The following TBC1D12 variants were observed in gnomAD, a reference collection of about 807,000 sequenced individuals.
TBC1D12 encodes TBC1 domain family, member 12.
A neutral mutation model predicts 86.7 loss-of-function variants in TBC1D12; 56 were observed. That is an observed-to-expected ratio of 0.65 (90% confidence interval 0.52 to 0.81). The LOEUF (loss-of-function observed/expected upper bound fraction) is 0.81. Among genes scored for constraint, TBC1D12 ranks in the 30% least tolerant of loss-of-function variants. The pLI is 0.00. For synonymous variants in TBC1D12, 421 were observed against 411.7 expected (o/e 1.02, Z -0.27); for missense variants, 1,023 against 1,038.8 (o/e 0.98, Z 0.21).
chr10:94,526,252 G>A (rs1474685097), intron 11 of TBC1D12, among the ~76,000 whole-genome samples: 1 of 151,994 alleles, frequency 6.6e-6, no homozygotes, highest in Non-Finnish European at 1.5e-5. Context: ...GCAAGATGGC[G>A]AAACCCCATC....
rs2055285812 is a variant in TBC1D12 at position 94,435,796 on chromosome 10, G to C, written c.972-6100G>C. ...AAATTCTCCTGTGTTTCTTTCTAAA[G>C]CTTTCAAAAGTTTGCCTTTCGTGTA... is the stretch of plus-strand genomic sequence containing the variant. On this transcript the variant is annotated intron_variant, in intron 1 of 12. Transcript: ENST00000225235. 2.0e-5 allele frequency among the ~76,000 whole-genome samples: 3 copies of C among 152,256 alleles called. No individual in the cohort carries two copies. The South Asian group carries it at 6.2e-4, about 32-fold the overall frequency.
chr10:94,492,553 A>G (rs2056260167), intron 3 of TBC1D12, among the ~76,000 whole-genome samples: 1 of 152,246 alleles, frequency 6.6e-6, no homozygotes, highest in Non-Finnish European at 1.5e-5. Flanking sequence ...TAAATGGAAT[A>G]CTACTCAGCA....
chr10:94,513,118 G>A (rs536449731), intron 9 of TBC1D12, among the ~76,000 whole-genome samples: 36 of 152,124 alleles, frequency 2.4e-4, no homozygotes, highest in African/African-American at 8.2e-4. Flanking sequence ...ATGGTGGCAC[G>A]CGCCTGTTAT....
chr10:94,494,388 T>C (rs916907283), intron 4 of TBC1D12, among the ~76,000 whole-genome samples: 3 of 152,208 alleles, frequency 2.0e-5, no homozygotes, highest in Non-Finnish European at 2.9e-5. Context: ...GGTGCTATTT[T>C]GGAATTGAAG....
At chr10:94,470,988 T>G (rs1461650302) in intron 2 of TBC1D12, among the ~76,000 whole-genome samples, 1 of 152,088 alleles carries the variant, frequency 6.6e-6, no homozygotes, top group Non-Finnish European at 1.5e-5. Context: ...ACAAAACTTA[T>G]TCCTAGGTTG....
At chr10:94,472,532 T>C (rs2055924305) in intron 2 of TBC1D12, among the ~76,000 whole-genome samples, 1 of 152,222 alleles carries the variant, frequency 6.6e-6, no homozygotes, top group South Asian at 2.1e-4. Flanking sequence ...TATTGGATAA[T>C]ATTCATGGTA....
chr10:94,421,735 A>G (rs1006970892), intron 1 of TBC1D12, among the ~76,000 whole-genome samples: 42 of 152,148 alleles, frequency 2.8e-4, no homozygotes, highest in African/African-American at 9.4e-4. Context: ...ATGGGTTTGT[A>G]ATAGTATTTC....
intron 9 of TBC1D12, among the ~76,000 whole-genome samples, chr10:94,520,558 A>T (rs78689540): frequency 0.21 from 31,141 of 145,818 alleles, 3,317 homozygotes; most frequent in East Asian, 0.37. Flanking sequence ...TCTCAAAAAA[A>T]TAAAAAAATA....
chr10:94,509,938 G>A lies in TBC1D12; in HGVS notation c.1601-153G>A, dbSNP rs374600784. On this transcript the variant is annotated intron_variant, in intron 7 of 12. Transcript: ENST00000225235. ...TTTTCTTTGTACAAGAGAATAACAAGTTCTAACAAAAGCTATGTGACATTT... is the reference window on the plus strand; with the variant it reads ...TTTTCTTTGTACAAGAGAATAACAAATTCTAACAAAAGCTATGTGACATTT... 8.0e-5 allele frequency: 48 copies of A among 598,668 alleles called. No homozygotes were observed. In the East Asian group the frequency reaches 1.5e-3, roughly 18 times the overall value. 37.1% of individuals were successfully genotyped at this position (598,668 alleles called of 1,614,324 possible).
intron 1 of TBC1D12, among the ~76,000 whole-genome samples, chr10:94,441,673 A>G (rs1340446263): frequency 6.6e-6 from 1 of 152,196 alleles, no homozygotes; most frequent in African/African-American, 2.4e-5. Flanking sequence ...TGCTGCCCCT[A>G]TCAACCTGTT....
intron 2 of TBC1D12, 90 bp from the exon 3 acceptor site, chr10:94,474,577 AT>A (rs2055958329): frequency 1.1e-6 from 1 of 916,516 alleles, no homozygotes; most frequent in Admixed American, 2.4e-5. Context: ...TGTATCCCTC[AT>A]TATAGCATAA....
chr10:94,453,190 G>A (rs1420163033), intron 2 of TBC1D12, among the ~76,000 whole-genome samples: 1 of 152,122 alleles, frequency 6.6e-6, no homozygotes, highest in Non-Finnish European at 1.5e-5. Context: ...TGTCAGGCAT[G>A]CCTTTGGCAA....
chr10:94,459,821 C>T (rs958772291), intron 2 of TBC1D12, among the ~76,000 whole-genome samples: 6 of 152,326 alleles, frequency 3.9e-5, no homozygotes, highest in African/African-American at 9.6e-5. Flanking sequence ...CGCACCCACC[C>T]GGAACTTGCA....
intron 1 of TBC1D12, 83 bp downstream of exon 1, chr10:94,403,667 CCGGAGCCGGAG>C: frequency 7.2e-7 from 1 of 1,385,816 alleles, no homozygotes; most frequent in Non-Finnish European, 9.3e-7. Flanking sequence ...GGAGCCGGAG[CCGGAGCCGGAG>C]CGGAGAGCTT....
intron 5 of TBC1D12, among the ~76,000 whole-genome samples, chr10:94,497,673 C>G (rs2134184031): frequency 7.0e-6 from 1 of 142,352 alleles, no homozygotes; most frequent in African/African-American, 2.7e-5. Context: ...GCGCCTGCCA[C>G]CGCGCCTGGC....
chr10:94,521,221 C>CAAAAAAAAAA (rs1294257279), intron 9 of TBC1D12, among the ~76,000 whole-genome samples: 2 of 48,556 alleles, frequency 4.1e-5, no homozygotes, highest in Non-Finnish European at 4.6e-5. Context: ...AAAAAGAAAC[C>CAAAAAAAAAA]AAAAAAAAAA....
intron 6 of TBC1D12, among the ~76,000 whole-genome samples, chr10:94,502,941 G>A (rs1229486544): frequency 6.6e-6 from 1 of 152,152 alleles, no homozygotes; most frequent in Non-Finnish European, 1.5e-5. Flanking sequence ...GCAATTTGGT[G>A]TATATTCTTT....
intron 1 of TBC1D12, among the ~76,000 whole-genome samples, chr10:94,427,445 T>A (rs762504957): frequency 6.6e-6 from 1 of 152,224 alleles, no homozygotes; most frequent in Non-Finnish European, 1.5e-5. Flanking sequence ...CATGATGTAA[T>A]AAGTATGCAG....
intron 2 of TBC1D12, among the ~76,000 whole-genome samples, chr10:94,447,372 G>A (rs918291727): frequency 4.0e-5 from 6 of 151,662 alleles, no homozygotes; most frequent in African/African-American, 1.5e-4. Flanking sequence ...TACATGTTTT[G>A]TACCTGTATC....
Sources: gnomAD v4.1 joint callset for allele counts (sites outside exome capture counted in the v4.1 genomes callset) on GRCh38, gnomAD v4.1.1 for gene constraint, MANE v1.5 for transcripts, NCBI Gene and HGNC (gene_info 2026-07-23, HGNC 2026-07-21) for gene names.